The following MTMR7 variants were observed in gnomAD, a reference collection of about 807,000 sequenced individuals.
MTMR7 encodes the protein myotubularin related protein 7, also known as phosphatidylinositol-3-phosphate phosphatase MTMR7.
Under a neutral mutation model 81.2 loss-of-function variants are expected in MTMR7, and 76 were observed. That is an observed-to-expected ratio of 0.94 (90% CI 0.78 to 1.13). MTMR7 has a LOEUF of 1.13. Among genes scored for constraint, MTMR7 ranks in the 50% most tolerant of loss-of-function variants. The probability of loss-of-function intolerance (pLI) is 0.00; values close to 1 mark genes in which losing one functional copy is unlikely to be tolerated. For missense variants in MTMR7, 1,044 were observed against 820.0 expected (o/e 1.27, Z -3.34); for synonymous variants, 372 against 289.8 (o/e 1.28, Z -2.88).
At chr8:17,381,985 C>A (rs1820775875) in intron 1 of MTMR7, among the ~76,000 whole-genome samples, 1 of 152,186 alleles carries the variant, frequency 6.6e-6, no homozygotes, top group South Asian at 2.1e-4. Flanking sequence ...TAATGTCTCT[C>A]TCCTTTCTAG....
rs529671183 is a variant in MTMR7 at position 17,360,684 on chromosome 8, G to A, written c.468+433C>T. ...CATGTTTCTCTAGGGAAGCCTCTTG[G>A]TGACCTTGTGTACCAAGCAAGGACT... is the stretch of plus-strand genomic sequence containing the variant. On this transcript the variant is annotated intron_variant, in intron 4 of 13. Transcript: ENST00000180173. Among the ~76,000 whole-genome samples the A allele has an allele frequency of 3.2e-4, 49 of 151,952 alleles. No individual in the cohort carries two copies. The South Asian group carries it at 4.6e-3, about 14-fold the overall frequency.
chr8:17,311,326 T>C (rs925270609), intron 9 of MTMR7, among the ~76,000 whole-genome samples, 185 bp downstream of exon 9: 14 of 152,354 alleles, frequency 9.2e-5, no homozygotes, highest in African/African-American at 3.4e-4. Context: ...CATCTCTTTA[T>C]TCCAAGCCTT....
intron 3 of MTMR7, among the ~76,000 whole-genome samples, chr8:17,369,130 A>G (rs1291870921): frequency 6.6e-6 from 1 of 152,192 alleles, no homozygotes; most frequent in Non-Finnish European, 1.5e-5. Flanking sequence ...TAGTACTTCC[A>G]TTAATCAGTG....
At position 17,341,999 on chromosome 8, in the gene MTMR7, C is replaced by A. The variant is rs541053977; in HGVS notation, c.598-502G>T. Among the ~76,000 whole-genome samples the A allele has an allele frequency of 9.0e-4, 136 of 151,826 alleles. 1 individual carries two copies. Among genetic ancestry groups the A allele is most frequent in the Non-Finnish European group, 1.4e-3 (95 of 67,976 alleles). ...TCTAATTCTAAACGGGAAACTTTCACGGTGACAAGAGCCCAGGTTGCTGCT... is the reference window on the plus strand; with the variant it reads ...TCTAATTCTAAACGGGAAACTTTCAAGGTGACAAGAGCCCAGGTTGCTGCT... On this transcript the variant is annotated intron_variant, in intron 5 of 13. Coordinates refer to ENST00000180173, the MANE Select transcript of MTMR7 (RefSeq NM_004686.5).
chr8:17,336,640 C>T (rs961828627), intron 6 of MTMR7, among the ~76,000 whole-genome samples: 2 of 152,190 alleles, frequency 1.3e-5, no homozygotes, highest in African/African-American at 4.8e-5. Context: ...GGTGAAATCA[C>T]GGGGCAGAAC....
intron 4 of MTMR7, among the ~76,000 whole-genome samples, chr8:17,357,808 A>T (rs1404457732): frequency 4.6e-5 from 7 of 152,234 alleles, no homozygotes; most frequent in Admixed American, 4.6e-4. Context: ...GGTGATGTTC[A>T]TTCTTATACA....
intron 5 of MTMR7, among the ~76,000 whole-genome samples, chr8:17,343,141 A>G (rs746068093): frequency 3.9e-5 from 6 of 152,166 alleles, no homozygotes; most frequent in Non-Finnish European, 7.4e-5. Context: ...AAGAAATATT[A>G]GTTAGCCCAG....
chr8:17,304,273 A>T (rs950130722), intron 12 of MTMR7, 106 bp downstream of exon 12: 27 of 1,294,340 alleles, frequency 2.1e-5, no homozygotes, highest in Non-Finnish European at 2.8e-5. Context: ...TTTGTGTCCA[A>T]TAAAAGCCTC....
At chr8:17,311,918 G>A (rs1010792353) in intron 8 of MTMR7, 6 of 314,378 alleles carry the variant, frequency 1.9e-5, no homozygotes, top group East Asian at 1.2e-4. Flanking sequence ...CTATGCAAAC[G>A]GACCTTCAAC....
chr8:17,321,108 C>G (rs10099488), intron 7 of MTMR7, among the ~76,000 whole-genome samples: 7,976 of 152,246 alleles, frequency 0.052, 631 homozygotes, highest in African/African-American at 0.17. Flanking sequence ...ACCTTGGCAT[C>G]TAAGCTCTGA....
chr8:17,316,512 T>A (rs1293798053), intron 7 of MTMR7, among the ~76,000 whole-genome samples: 1 of 151,622 alleles, frequency 6.6e-6, no homozygotes, highest in Non-Finnish European at 1.5e-5. Flanking sequence ...AAAGTCTCCC[T>A]GTACCTGGAT....
rs989358177 is a variant in MTMR7, at chr8:17,361,037, G to A, written c.468+80C>T. ...TCTACAAAGAGCTATAAAACCTGAA[G>A]GAGATAAAAATAAAGGGATGCTAAG... On this transcript the variant is annotated intron_variant, in intron 4 of 13. Coordinates refer to ENST00000180173, the MANE Select transcript of MTMR7 (RefSeq NM_004686.5). 4 of 1,477,166 alleles carry A rather than the reference G, an allele frequency of 2.7e-6. No homozygotes were observed. In the Admixed American group the frequency reaches 6.9e-5, roughly 25 times the overall value. 91.5% of individuals were successfully genotyped at this position (1,477,166 alleles called of 1,614,324 possible). A position where few individuals can be genotyped will look rare whatever the true frequency, so the allele number is the denominator to read the frequency against.
intron 4 of MTMR7, among the ~76,000 whole-genome samples, chr8:17,349,983 T>C (rs1236332630): frequency 4.6e-5 from 7 of 152,188 alleles, no homozygotes; most frequent in Non-Finnish European, 7.3e-5. Context: ...GGTTGACAGA[T>C]GGATCAAATC....
At chr8:17,364,087 T>C (rs1416947990) in intron 3 of MTMR7, among the ~76,000 whole-genome samples, 1 of 138,824 alleles carries the variant, frequency 7.2e-6, no homozygotes, top group Admixed American at 8.0e-5. Context: ...TGGAGTGCAG[T>C]GGCGCGATCT....
intron 1 of MTMR7, among the ~76,000 whole-genome samples, chr8:17,391,043 G>C (rs904743197): frequency 6.6e-6 from 1 of 152,164 alleles, no homozygotes; most frequent in Non-Finnish European, 1.5e-5. Context: ...CAGCCATGGG[G>C]GTATCTGGGG....
chr8:17,374,685 T>C (rs1820520313), intron 1 of MTMR7, among the ~76,000 whole-genome samples: 1 of 152,008 alleles, frequency 6.6e-6, no homozygotes, highest in South Asian at 2.1e-4. Flanking sequence ...TGGTAGCAGG[T>C]GCCTGCAATC....
At chr8:17,386,184 C>T (rs1297124164) in intron 1 of MTMR7, among the ~76,000 whole-genome samples, 1 of 152,028 alleles carries the variant, frequency 6.6e-6, no homozygotes, top group Non-Finnish European at 1.5e-5. Context: ...GAGACCAGTC[C>T]AGATCATGCA....
At chr8:17,360,788 T>C (rs1190224431) in intron 4 of MTMR7, among the ~76,000 whole-genome samples, 1 of 151,970 alleles carries the variant, frequency 6.6e-6, no homozygotes, top group Non-Finnish European at 1.5e-5. Flanking sequence ...CACTACACTA[T>C]AAAAAGACCT....
chr8:17,299,815 G>C lies in MTMR7; in HGVS notation c.*47C>G. 2.5e-6 allele frequency: 4 copies of C among 1,592,576 alleles called. No homozygotes were observed. The South Asian group carries it at 4.5e-5, about 18-fold the overall frequency. On this transcript the variant is annotated 3_prime_UTR_variant, in exon 14 of 14. Coordinates refer to ENST00000180173, the MANE Select transcript of MTMR7 (RefSeq NM_004686.5). ...AAACCACCTTGTTCCCTTGTTTTTG[G>C]AAGTGTTGCTTATGTGTCCTTTACT...
Sources: gnomAD v4.1 joint callset for allele counts (sites outside exome capture counted in the v4.1 genomes callset) on GRCh38, gnomAD v4.1.1 for gene constraint, MANE v1.5 for transcripts, NCBI Gene and HGNC (gene_info 2026-07-23, HGNC 2026-07-21) for gene names.